RERGL: variants seen among roughly 807,000 people sequenced by gnomAD.
RERGL encodes the protein ras-related and estrogen-regulated growth inhibitor-like protein.
In RERGL, 22 loss-of-function variants were observed where a neutral mutation model predicts 24.7. The ratio of observed to expected loss-of-function variants is 0.89; its 90% CI spans 0.64 to 1.27. The LOEUF is 1.27. RERGL is among the 50% of genes most tolerant of loss of function. The probability of loss-of-function intolerance (pLI) is 0.00; values close to 1 mark genes in which losing one functional copy is unlikely to be tolerated. For synonymous variants in RERGL, 76 were observed against 82.6 expected, an observed-to-expected ratio of 0.92 and a Z score of 0.43; for missense variants, 259 against 235.3, an observed-to-expected ratio of 1.10 and a Z score of -0.66.
At chr12:18,085,760 ACT>A in intron 2 of RERGL, 67 bp from the exon 3 acceptor site, 1 of 862,508 alleles carries the variant, frequency 1.2e-6, no homozygotes, top group Non-Finnish European at 1.9e-6. Context: ...AAATTCAACC[ACT>A]CACATTTTAG....
intron 2 of RERGL, among the ~76,000 whole-genome samples, chr12:18,087,666 A>G (rs1947232858): frequency 6.6e-6 from 1 of 152,112 alleles, no homozygotes; most frequent in Non-Finnish European, 1.5e-5. Context: ...ATATGTAAAC[A>G]TTTCATTAAT....
rs142551944 is a variant in RERGL at position 18,085,647 on chromosome 12, A to G, written c.156T>C (p.Asn52=). The G allele has an allele frequency of 1.5e-4, 239 of 1,597,826 alleles. No individual in the cohort carries two copies. Among genetic ancestry groups the G allele is most frequent in the Non-Finnish European group, 2.0e-4 (228 of 1,168,822 alleles). The change falls in exon 3 of 5, where the codon AAT becomes AAC. Residue 52 remains asparagine (N), a synonymous_variant. Coordinates refer to ENST00000538724, the MANE Select transcript of RERGL (RefSeq NM_001286201.2). ...KHLCLERKQL[N]LEIYDPCSQT... ...GAGAACAAGGGTCATATATTTCTAG[A>G]TTTAGTTGTTTCCTTTCCAAACACA...
At chr12:18,084,452 A>C in intron 4 of RERGL, 65 bp downstream of exon 4, 1 of 1,467,876 alleles carries the variant, frequency 6.8e-7, no homozygotes, top group South Asian at 1.4e-5. Flanking sequence ...ACTCTTCCTA[A>C]TGATGCTTAC....
At chr12:18,082,069 G>C (rs957336770) in intron 4 of RERGL, among the ~76,000 whole-genome samples, 7 of 151,172 alleles carry the variant, frequency 4.6e-5, no homozygotes. Context: ...GAATCCAGGA[G>C]TCAGAGGTTG....
chr12:18,081,795 T>C (rs1947175895), intron 4 of RERGL, among the ~76,000 whole-genome samples: 1 of 152,122 alleles, frequency 6.6e-6, no homozygotes, highest in South Asian at 2.1e-4. Context: ...CAGTTTCTTT[T>C]AATGTAAAAA....
At chr12:18,087,318 G>C (rs562966423) in intron 2 of RERGL, among the ~76,000 whole-genome samples, 1 of 152,122 alleles carries the variant, frequency 6.6e-6, no homozygotes, top group Admixed American at 6.6e-5. Context: ...CTCCTACCAG[G>C]TTATATTTAA....
At chr12:18,089,099 A>G in intron 1 of RERGL, 143 bp from the exon 2 acceptor site, 1 of 1,101,646 alleles carries the variant, frequency 9.1e-7, no homozygotes, top group Non-Finnish European at 1.3e-6. Flanking sequence ...TCTGTTCTAA[A>G]TAGTAGTTAA....
At chr12:18,088,784 A>T in intron 2 of RERGL, 116 bp downstream of exon 2, 1 of 741,560 alleles carries the variant, frequency 1.3e-6, no homozygotes, top group Non-Finnish European at 2.4e-6. Context: ...GAATAAATAA[A>T]TTGTTTCATA....
At position 18,082,877 on chromosome 12, in the gene RERGL, T is replaced by TGTCTTCCTTGGTTATAAAC. The variant is rs1187624018; in HGVS notation, c.333-1405_333-1404insGTTTATAACCAAGGAAGAC. ...TTAAGATAAAATGTCTCTGAAAATA[T>TGTCTTCCTTGGTTATAAAC]CAGTATGTCTTCCTTGGTTATAAAG... On this transcript the variant is annotated intron_variant, in intron 4 of 4. Transcript: ENST00000538724. Among the ~76,000 whole-genome samples, 4 of 152,320 alleles carry TGTCTTCCTTGGTTATAAAC rather than the reference T, an allele frequency of 2.6e-5. No homozygotes were observed. The East Asian group carries it at 7.7e-4, about 29-fold the overall frequency.
chr12:18,089,595 A>T (rs527489267), intron 1 of RERGL, among the ~76,000 whole-genome samples: 1 of 152,292 alleles, frequency 6.6e-6, no homozygotes, highest in South Asian at 2.1e-4. Flanking sequence ...GCTCAGTTCC[A>T]GAACATCCAC....
At position 18,085,636 on chromosome 12, in the gene RERGL, T is replaced by C; in HGVS notation, c.167A>G (p.Tyr56Cys). Residue 56 changes from tyrosine (Y) to cysteine (C), a missense_variant, in exon 3 of 5, where the codon TAT becomes TGT. Transcript: ENST00000538724. Reference sequence around the variant, plus strand: ...TTTACTTACTTGAGAACAAGGGTCATATATTTCTAGATTTAGTTGTTTCCT... The same window carrying C: ...TTTACTTACTTGAGAACAAGGGTCACATATTTCTAGATTTAGTTGTTTCCT... ...LERKQLNLEI[Y>C]DPCSQTQKAK... is the part of the protein sequence containing the mutation. 1 of 1,590,368 alleles carries C rather than the reference T, an allele frequency of 6.3e-7. No individual in the cohort carries two copies. The highest frequency in any genetic ancestry group is 1.1e-5 in the South Asian group (1 of 88,498).
At position 18,090,098 on chromosome 12, in the gene RERGL, C is replaced by T; in HGVS notation, c.43G>A (p.Gly15Ser). 6.5e-7 allele frequency: 1 copy of T among 1,533,100 alleles called. No homozygotes were observed. The highest frequency in any genetic ancestry group is 8.7e-7 in the Non-Finnish European group (1 of 1,145,542). 95.0% of individuals were successfully genotyped at this position (1,533,100 alleles called of 1,614,324 possible). A position where few individuals can be genotyped will look rare whatever the true frequency, so the allele number is the denominator to read the frequency against. The change falls in exon 1 of 5, where the codon GGC (glycine) becomes AGC (serine). Residue 15 changes from glycine to serine, a missense_variant. Physicochemically the swap from Gly to Ser is moderately conservative, Grantham distance 56. Transcript: ENST00000538724. Reference sequence around the variant, plus strand: ...AGATGTCACCACTCACCAGATTTGCCTGTTCCTTCACCACCCAAGACAGCA... The same window carrying T: ...AGATGTCACCACTCACCAGATTTGCTTGTTCCTTCACCACCCAAGACAGCA... Reference protein sequence around the residue: ...KLAVLGGEGTGKSALTVRFLT... With the variant: ...KLAVLGGEGTSKSALTVRFLT...
In RERGL at chr12:18,090,169, A is replaced by G. The variant is rs1784129101; in HGVS notation, c.-29T>C. 5 of 1,522,346 alleles carry G rather than the reference A, an allele frequency of 3.3e-6. No homozygotes were observed. Among genetic ancestry groups the G allele is most frequent in the African/African-American group, 1.4e-5 (1 of 72,280 alleles). 94.3% of individuals were successfully genotyped at this position (1,522,346 alleles called of 1,614,324 possible). A position where few individuals can be genotyped will look rare whatever the true frequency, so the allele number is the denominator to read the frequency against. On this transcript the variant is annotated 5_prime_UTR_variant, in exon 1 of 5. Coordinates refer to ENST00000538724, the MANE Select transcript of RERGL (RefSeq NM_001286201.2). ...GCTTTTCTGCTTCTTGGTCAGTCCT[A>G]TTTTCTGGAACTACACTGCCCTGTG... is the stretch of plus-strand genomic sequence containing the variant.
intron 2 of RERGL, among the ~76,000 whole-genome samples, chr12:18,086,379 T>C (rs931193429): frequency 6.6e-6 from 1 of 152,154 alleles, no homozygotes; most frequent in African/African-American, 2.4e-5. Flanking sequence ...TTATATATCA[T>C]AATTTTTTCC....
At chr12:18,088,844 G>T (rs905809732) in intron 2 of RERGL, 56 bp downstream of exon 2, 1 of 1,062,864 alleles carries the variant, frequency 9.4e-7, no homozygotes, top group Non-Finnish European at 1.5e-6. Flanking sequence ...ACTTAAGTGG[G>T]ATTTAATTAC....
At position 18,081,286 on chromosome 12, in the gene RERGL, T is replaced by C; in HGVS notation, c.520A>G (p.Asn174Asp). Residue 174 changes from asparagine to aspartate, a missense_variant, in exon 5 of 5, where the codon AAC (asparagine) becomes GAC (aspartate). Transcript: ENST00000538724. ...FIRIIKDILI[N>D]FKLKEKRRPS... ...CGTCTCTTTTCTTTGAGTTTGAAGT[T>C]TATCAGGATGTCCTTGATAATTCTG... is the stretch of plus-strand genomic sequence containing the variant. The C allele has an allele frequency of 6.2e-7, 1 of 1,613,800 alleles. No individual in the cohort carries two copies. The highest frequency in any genetic ancestry group is 8.5e-7 in the Non-Finnish European group (1 of 1,179,916).
Position 18,081,151 on chromosome 12 carries a change from A to C in RERGL, c.*40T>G. The C allele has an allele frequency of 6.5e-6, 10 of 1,531,180 alleles. No homozygotes were observed. The highest frequency in any genetic ancestry group is 8.8e-6 in the Non-Finnish European group (10 of 1,134,116). The allele number at this position is 1,531,180 out of a possible 1,614,324, so 94.8% of individuals were successfully genotyped here. ...GTTTAATTATCATGTGAATGTTTGAAACTCTCTGATATAGGAAATCTCCCA... is the reference window on the plus strand; with the variant it reads ...GTTTAATTATCATGTGAATGTTTGACACTCTCTGATATAGGAAATCTCCCA... On this transcript the variant is annotated 3_prime_UTR_variant, in exon 5 of 5. Coordinates refer to ENST00000538724, the MANE Select transcript of RERGL (RefSeq NM_001286201.2).
chr12:18,084,756 C>T (rs1381027142), intron 3 of RERGL, 91 bp from the exon 4 acceptor site: 16 of 932,062 alleles, frequency 1.7e-5, no homozygotes, highest in Non-Finnish European at 2.5e-5. Flanking sequence ...CCCACTTCCG[C>T]TGGAAGATAC....
chr12:18,085,688 T>G lies in RERGL; in HGVS notation c.115A>C (p.Ile39Leu). The G allele has an allele frequency of 6.3e-7, 1 of 1,586,856 alleles. No homozygotes were observed. The part of the protein sequence containing the change: ...IGEYASNFES[I>L]YKKHLCLERK... Reference sequence around the variant, plus strand: ...TCCAAACACAAGTGCTTCTTATAGATAGATTCTGCAAAAATATGCATATCC... The same window carrying G: ...TCCAAACACAAGTGCTTCTTATAGAGAGATTCTGCAAAAATATGCATATCC... The change falls in exon 3 of 5, where the codon ATC becomes CTC. Residue 39 changes from isoleucine to leucine, a missense_variant. Physicochemically the swap from Ile to Leu is conservative, Grantham distance 5. Coordinates refer to ENST00000538724, the MANE Select transcript of RERGL (RefSeq NM_001286201.2).
Sources: allele counts gnomAD v4.1 joint callset (sites outside exome capture counted in the v4.1 genomes callset), GRCh38; gene constraint gnomAD v4.1.1; transcripts MANE v1.5; gene names NCBI Gene and HGNC (gene_info 2026-07-23, HGNC 2026-07-21).